The following SPON1 variants were observed in gnomAD, a reference collection of about 807,000 sequenced individuals.
SPON1 encodes spondin-1.
Under a neutral mutation model 111.7 loss-of-function variants are expected in SPON1, and 52 were observed. The observed-to-expected ratio is 0.47, with a 90% CI of 0.37 to 0.59. SPON1 has a LOEUF of 0.59. Among genes scored for constraint, SPON1 ranks in the 20% least tolerant of loss-of-function variants. The probability of loss-of-function intolerance (pLI) is 0.00; values close to 1 mark genes in which losing one functional copy is unlikely to be tolerated. For missense variants in SPON1, 957 were observed against 1,068.5 expected (o/e 0.90, Z 1.46); for synonymous variants, 410 against 395.8 (o/e 1.04, Z -0.43).
intron 2 of SPON1, among the ~76,000 whole-genome samples, chr11:13,991,652 C>T (rs1357378325): frequency 5.3e-5 from 8 of 152,162 alleles, no homozygotes; most frequent in Admixed American, 3.3e-4. Flanking sequence ...GTAGGATAAG[C>T]GGCATTCTGA....
chr11:14,263,714 AGAG>A (rs782812556), intron 15 of SPON1, among the ~76,000 whole-genome samples: 3 of 152,314 alleles, frequency 2.0e-5, no homozygotes, highest in East Asian at 1.9e-4. Context: ...TGAAAAATCT[AGAG>A]GAGTTTGCCA....
chr11:14,257,195 C>T (rs1316227193), intron 10 of SPON1, among the ~76,000 whole-genome samples: 1 of 152,202 alleles, frequency 6.6e-6, no homozygotes, highest in South Asian at 2.1e-4. Flanking sequence ...GTTTCCTCAA[C>T]AGTCAAATGG....
intron 6 of SPON1, among the ~76,000 whole-genome samples, chr11:14,179,442 T>C (rs1364295877): frequency 6.6e-6 from 1 of 152,164 alleles, no homozygotes; most frequent in African/African-American, 2.4e-5. Flanking sequence ...GCTAGTCCCT[T>C]CTCTTCCCCA....
At chr11:14,261,118 A>T (rs755522529) in intron 14 of SPON1, among the ~76,000 whole-genome samples, 2 of 152,106 alleles carry the variant, frequency 1.3e-5, no homozygotes, top group Non-Finnish European at 2.9e-5. Context: ...TTTCCCTGTG[A>T]CCATTTTAAT....
chr11:13,980,127 G>A lies in SPON1; in HGVS notation c.239-2720G>A, dbSNP rs906796659. 3.3e-5 allele frequency among the ~76,000 whole-genome samples: 5 copies of A among 151,680 alleles called. 1 individual carries two copies. The East Asian group carries it at 9.7e-4, about 29-fold the overall frequency. ...GCAATCTCGGCTCACTGCAACCTCT[G>A]CCTCCTGGGTTCCAGCAATTCTCCT... is the stretch of plus-strand genomic sequence containing the variant. On this transcript the variant is annotated intron_variant, in intron 1 of 15. Transcript: ENST00000576479.
At chr11:14,002,001 G>C (rs1408553859) in intron 2 of SPON1, among the ~76,000 whole-genome samples, 1 of 152,050 alleles carries the variant, frequency 6.6e-6, no homozygotes, top group Non-Finnish European at 1.5e-5. Context: ...TGAATCAAAG[G>C]CAACTGTTTA....
chr11:14,189,297 G>A (rs1045520384), intron 6 of SPON1, among the ~76,000 whole-genome samples: 2 of 152,164 alleles, frequency 1.3e-5, no homozygotes, highest in Admixed American at 6.5e-5. Context: ...GTAAATCAAG[G>A]ATCAAACATT....
intron 15 of SPON1, among the ~76,000 whole-genome samples, chr11:14,264,315 G>GCAAA (rs1332202820): frequency 6.6e-6 from 1 of 152,176 alleles, no homozygotes; most frequent in African/African-American, 2.4e-5. Context: ...TTTGGGGATG[G>GCAAA]CAAACAGACA....
intron 6 of SPON1, among the ~76,000 whole-genome samples, chr11:14,210,182 T>C (rs1848559596): frequency 6.6e-6 from 1 of 152,188 alleles, no homozygotes; most frequent in African/African-American, 2.4e-5. Flanking sequence ...GATGGATAGA[T>C]TGCAAAAATT....
intron 5 of SPON1, among the ~76,000 whole-genome samples, chr11:14,119,022 G>C (rs368021237): frequency 6.6e-6 from 1 of 152,210 alleles, no homozygotes; most frequent in East Asian, 1.9e-4. Context: ...ATGAGACAAT[G>C]ACAATGAAGA....
intron 6 of SPON1, among the ~76,000 whole-genome samples, chr11:14,229,877 A>G (rs529027566): frequency 4.8e-4 from 73 of 151,992 alleles, no homozygotes; most frequent in African/African-American, 1.7e-3. Context: ...CAGTCAGAGA[A>G]ACTTCTGTTA....
chr11:14,203,725 T>C (rs1848486968), intron 6 of SPON1, among the ~76,000 whole-genome samples: 1 of 152,152 alleles, frequency 6.6e-6, no homozygotes, highest in South Asian at 2.1e-4. Flanking sequence ...GGGGAGAGGA[T>C]GAGTACAGGT....
intron 6 of SPON1, among the ~76,000 whole-genome samples, chr11:14,210,899 G>A (rs1449293918): frequency 3.3e-5 from 5 of 152,204 alleles, no homozygotes; most frequent in Admixed American, 2.6e-4. Flanking sequence ...GTTTGTCAAA[G>A]ATCAGATTGT....
At position 14,262,775 on chromosome 11, in the gene SPON1, G is replaced by A. The variant is rs1554942035; in HGVS notation, c.2060G>A (p.Gly687Asp). The part of the protein sequence containing the change: ...WSECNKSCGK[G>D]HVIRTRMIQM... ...GAATGTAACAAGTCATGTGGGAAAG[G>A]CCACGTGATTCGAACCCGGATGATC... is the stretch of plus-strand genomic sequence containing the variant. The change falls in exon 15 of 16, where the codon GGC (glycine) becomes GAC (aspartate). Residue 687 changes from glycine (G) to aspartate (D), a missense_variant. Coordinates refer to ENST00000576479, the MANE Select transcript of SPON1 (RefSeq NM_006108.4). 6.2e-7 allele frequency: 1 copy of A among 1,613,908 alleles called. No individual in the cohort carries two copies.
At chr11:14,036,210 T>C (rs61120581) in intron 2 of SPON1, among the ~76,000 whole-genome samples, 1,705 of 152,288 alleles carry the variant, frequency 0.011, 26 homozygotes, top group African/African-American at 0.039. Context: ...TATATTGTAA[T>C]GATATTTGTG....
At chr11:14,214,800 A>C (rs1232372066) in intron 6 of SPON1, among the ~76,000 whole-genome samples, 1 of 152,238 alleles carries the variant, frequency 6.6e-6, no homozygotes, top group Non-Finnish European at 1.5e-5. Flanking sequence ...TACAGTCTCA[A>C]GCCAACTCCT....
intron 5 of SPON1, among the ~76,000 whole-genome samples, chr11:14,117,718 A>T (rs1295470197): frequency 2.0e-5 from 3 of 152,104 alleles, no homozygotes; most frequent in African/African-American, 7.2e-5. Context: ...AGTTAAATAG[A>T]CTTTGCTTCT....
intron 2 of SPON1, among the ~76,000 whole-genome samples, chr11:14,007,252 G>C (rs1591348593): frequency 6.6e-6 from 1 of 152,152 alleles, no homozygotes; most frequent in Admixed American, 6.5e-5. Flanking sequence ...GGGTTTTCTA[G>C]AGGGACAGAA....
intron 6 of SPON1, among the ~76,000 whole-genome samples, chr11:14,191,242 C>T (rs562089474): frequency 2.0e-4 from 30 of 152,296 alleles, no homozygotes; most frequent in Middle Eastern, 6.8e-3. Context: ...CAACTGGCCA[C>T]GGCAGTGATG....
Sources: allele counts gnomAD v4.1 joint callset (sites outside exome capture counted in the v4.1 genomes callset), GRCh38; gene constraint gnomAD v4.1.1; transcripts MANE v1.5; gene names NCBI Gene and HGNC (gene_info 2026-07-23, HGNC 2026-07-21).